The following CHODL variants were observed in gnomAD, a reference collection of about 807,000 sequenced individuals.
CHODL encodes the protein chondrolectin.
A neutral mutation model predicts 34.5 loss-of-function variants in CHODL; 29 were observed. That is an observed-to-expected ratio of 0.84 (90% CI 0.63 to 1.15). The LOEUF is 1.15. CHODL is among the 50% of genes most tolerant of loss of function. The pLI is 0.00. For synonymous variants in CHODL, 125 were observed against 116.1 expected (o/e 1.08, Z -0.49); for missense variants, 332 against 332.5 (o/e 1.00, Z 0.01).
intron 1 of CHODL, among the ~76,000 whole-genome samples, chr21:17,974,550 G>A (rs556718735): frequency 4.6e-5 from 7 of 152,044 alleles, no homozygotes; most frequent in Non-Finnish European, 1.0e-4. Flanking sequence ...GAGTACAAGC[G>A]TGAACCACCA....
At chr21:18,013,660 A>G (rs2064042413) in intron 1 of CHODL, among the ~76,000 whole-genome samples, 1 of 13,734 alleles carries the variant, frequency 7.3e-5, no homozygotes, top group Admixed American at 5.5e-4. Flanking sequence ...TTTGAGACAG[A>G]GTCTTGCTCT....
intron 2 of CHODL, among the ~76,000 whole-genome samples, chr21:18,169,299 A>G (rs2142258): frequency 0.2 from 30,216 of 151,974 alleles, 4,405 homozygotes; most frequent in East Asian, 0.48. Flanking sequence ...ATTAATATAT[A>G]ATTGTGAATT....
intron 1 of CHODL, among the ~76,000 whole-genome samples, chr21:17,983,310 TA>T (rs1314142206): frequency 1.3e-5 from 2 of 152,226 alleles, no homozygotes; most frequent in African/African-American, 2.4e-5. Flanking sequence ...TTACATCATT[TA>T]AAAAATATTA....
intron 1 of CHODL, among the ~76,000 whole-genome samples, chr21:17,994,988 G>C (rs1488014787): frequency 1.3e-5 from 2 of 152,094 alleles, no homozygotes; most frequent in East Asian, 3.9e-4. Flanking sequence ...AACCTCGCTG[G>C]TGCACTGTAC....
intron 2 of CHODL, among the ~76,000 whole-genome samples, chr21:18,078,275 G>A (rs568926593): frequency 6.6e-6 from 1 of 152,220 alleles, no homozygotes; most frequent in African/African-American, 2.4e-5. Flanking sequence ...AGAAGGAAAG[G>A]CACCTCCTAT....
intron 2 of CHODL, among the ~76,000 whole-genome samples, chr21:18,233,358 T>C (rs1182959718): frequency 6.6e-6 from 1 of 152,110 alleles, no homozygotes; most frequent in African/African-American, 2.4e-5. Context: ...TCCACCCTTT[T>C]GCTGTGTGTA....
intron 2 of CHODL, among the ~76,000 whole-genome samples, chr21:18,038,699 C>G (rs1034056714): frequency 6.6e-6 from 1 of 151,644 alleles, no homozygotes; most frequent in Non-Finnish European, 1.5e-5. Flanking sequence ...AATTACTAAA[C>G]ACATACTTCA....
intron 1 of CHODL, among the ~76,000 whole-genome samples, chr21:17,976,489 A>G (rs1050446252): frequency 2.0e-5 from 3 of 152,066 alleles, no homozygotes; most frequent in African/African-American, 7.2e-5. Context: ...GGCATCTTTC[A>G]TGTGACAATG....
chr21:17,961,373 C>T (rs989484345), intron 1 of CHODL, among the ~76,000 whole-genome samples: 1 of 152,192 alleles, frequency 6.6e-6, no homozygotes, highest in African/African-American at 2.4e-5. Flanking sequence ...AAAGGTTCCT[C>T]TGGGAATCTC....
At chr21:18,092,746 CA>C (rs1281032895) in intron 2 of CHODL, among the ~76,000 whole-genome samples, 3 of 152,144 alleles carry the variant, frequency 2.0e-5, no homozygotes, top group African/African-American at 7.2e-5. Flanking sequence ...AACTTGAAGA[CA>C]GGCTATTTGA....
intron 2 of CHODL, among the ~76,000 whole-genome samples, chr21:18,044,219 T>C (rs1454082319): frequency 6.6e-6 from 1 of 151,996 alleles, no homozygotes; most frequent in Non-Finnish European, 1.5e-5. Flanking sequence ...AAGAATGAAA[T>C]ATATATGCAT....
intron 1 of CHODL, among the ~76,000 whole-genome samples, chr21:17,940,417 C>G (rs2063353495): frequency 6.6e-6 from 1 of 151,962 alleles, no homozygotes; most frequent in South Asian, 2.1e-4. Context: ...ACTAATATCA[C>G]CAACATAATA....
intron 1 of CHODL, among the ~76,000 whole-genome samples, chr21:17,982,279 G>A (rs2063719860): frequency 6.6e-6 from 1 of 152,138 alleles, no homozygotes; most frequent in Non-Finnish European, 1.5e-5. Flanking sequence ...ATCCAGTCTA[G>A]GCCACTCTGA....
intron 1 of CHODL, among the ~76,000 whole-genome samples, chr21:17,947,841 G>A (rs1002366872): frequency 5.3e-5 from 8 of 151,986 alleles, no homozygotes; most frequent in Non-Finnish European, 8.8e-5. Flanking sequence ...CATAAAAACC[G>A]TGCCTCCACT....
At chr21:18,115,750 C>G (rs530453678) in intron 2 of CHODL, among the ~76,000 whole-genome samples, 1 of 152,240 alleles carries the variant, frequency 6.6e-6, no homozygotes, top group East Asian at 1.9e-4. Context: ...TTGTCCCAAA[C>G]TTAAAGCTGA....
At chr21:17,977,929 A>AAAAAAAAAAAAAG (rs1217900881) in intron 1 of CHODL, among the ~76,000 whole-genome samples, 1 of 150,360 alleles carries the variant, frequency 6.7e-6, no homozygotes, top group Non-Finnish European at 1.5e-5. Context: ...AAAAAAAAAA[A>AAAAAAAAAAAAAG]AAAAAGAAAA....
intron 1 of CHODL, among the ~76,000 whole-genome samples, chr21:18,005,101 A>G (rs1246722524): frequency 1.3e-5 from 2 of 152,236 alleles, no homozygotes; most frequent in Non-Finnish European, 2.9e-5. Context: ...TGTTAAAAAA[A>G]GATTCACTTC....
At chr21:18,164,081 C>T (rs1461716382) in intron 2 of CHODL, among the ~76,000 whole-genome samples, 2 of 152,136 alleles carry the variant, frequency 1.3e-5, no homozygotes, top group African/African-American at 4.8e-5. Context: ...TTGTAGTCAT[C>T]CAGGCATCAG....
intron 2 of CHODL, among the ~76,000 whole-genome samples, chr21:18,035,974 T>C (rs1213758818): frequency 2.0e-4 from 30 of 152,052 alleles, no homozygotes; most frequent in Admixed American, 2.0e-3. Context: ...CTTTGCATAT[T>C]TGGTAATTCT....
Sources: allele counts gnomAD v4.1 joint callset (sites outside exome capture counted in the v4.1 genomes callset), GRCh38; gene constraint gnomAD v4.1.1; transcripts MANE v1.5; gene names NCBI Gene and HGNC (gene_info 2026-07-23, HGNC 2026-07-21).